ADD1: variants seen among roughly 807,000 people sequenced by gnomAD.
The protein encoded by ADD1 is alpha-adducin.
Under a neutral mutation model 80.5 loss-of-function variants are expected in ADD1, and 24 were observed. The ratio of observed to expected loss-of-function variants is 0.30; its 90% CI spans 0.22 to 0.42. ADD1 has a LOEUF of 0.42. Among genes scored for constraint, ADD1 ranks in the 10% least tolerant of loss-of-function variants. The pLI, the probability that ADD1 is intolerant of heterozygous loss-of-function variation, is 1.00. For missense variants in ADD1, 948 were observed against 1,019.0 expected (o/e 0.93, Z 0.95); for synonymous variants, 373 against 393.8 (o/e 0.95, Z 0.63).
At chr4:2,892,562 G>T (rs1734472893) in intron 4 of ADD1, among the ~76,000 whole-genome samples, 1 of 152,172 alleles carries the variant, frequency 6.6e-6, no homozygotes, top group South Asian at 2.1e-4. Flanking sequence ...GGGCACAGTG[G>T]CTCACACCTG....
At chr4:2,896,293 C>T (rs1393046381) in intron 6 of ADD1, among the ~76,000 whole-genome samples, 8 of 151,784 alleles carry the variant, frequency 5.3e-5, no homozygotes, top group Non-Finnish European at 8.8e-5. Context: ...ACTGCAACCT[C>T]TGCCCCTCGG....
At chr4:2,886,963 G>C (rs1285859211) in intron 4 of ADD1, among the ~76,000 whole-genome samples, 3 of 152,168 alleles carry the variant, frequency 2.0e-5, no homozygotes, top group African/African-American at 7.2e-5. Flanking sequence ...CTTCTTCGCA[G>C]GTTTTAAAGT....
At chr4:2,885,049 A>C (rs1288322164) in intron 4 of ADD1, among the ~76,000 whole-genome samples, 1 of 152,100 alleles carries the variant, frequency 6.6e-6, no homozygotes, top group East Asian at 1.9e-4. Flanking sequence ...ACTATTTTTC[A>C]ACATTATTAG....
chr4:2,846,880 G>A (rs979838137), intron 1 of ADD1, among the ~76,000 whole-genome samples: 3 of 151,780 alleles, frequency 2.0e-5, no homozygotes, highest in Non-Finnish European at 1.5e-5. Context: ...CACTTTGGGA[G>A]GCCGAGGCGG....
At chr4:2,849,237 CTTATA>C (rs1306629820) in intron 1 of ADD1, among the ~76,000 whole-genome samples, 1 of 152,100 alleles carries the variant, frequency 6.6e-6, no homozygotes, top group Non-Finnish European at 1.5e-5. Flanking sequence ...CAGCAAATGA[CTTATA>C]TTATTAATAT....
chr4:2,871,553 C>T (rs1730461288), intron 1 of ADD1, among the ~76,000 whole-genome samples: 1 of 152,166 alleles, frequency 6.6e-6, no homozygotes, highest in South Asian at 2.1e-4. Context: ...TGAAGGCCGG[C>T]AGAGACCAGC....
At chr4:2,888,132 T>A (rs1733690891) in intron 4 of ADD1, among the ~76,000 whole-genome samples, 1 of 152,024 alleles carries the variant, frequency 6.6e-6, no homozygotes, top group African/African-American at 2.4e-5. Context: ...GAATCTCGGC[T>A]CACTGCAACC....
chr4:2,876,329 T>A, intron 2 of ADD1: 1 of 398,710 alleles, frequency 2.5e-6, no homozygotes, highest in Non-Finnish European at 4.4e-6. Context: ...TAGGAAGTGT[T>A]AATTTCTCCT....
intron 1 of ADD1, among the ~76,000 whole-genome samples, chr4:2,870,390 T>G (rs1363485200): frequency 2.0e-5 from 3 of 152,254 alleles, no homozygotes; most frequent in African/African-American, 7.2e-5. Context: ...GAGACGTTAT[T>G]TGGACTAAAT....
chr4:2,879,120 G>A (rs547708886), intron 2 of ADD1, among the ~76,000 whole-genome samples: 1 of 152,174 alleles, frequency 6.6e-6, no homozygotes, highest in South Asian at 2.1e-4. Context: ...CCAAACTGAG[G>A]GTATGGATGT....
At chr4:2,849,509 C>T (rs550636249) in intron 1 of ADD1, among the ~76,000 whole-genome samples, 1 of 152,184 alleles carries the variant, frequency 6.6e-6, no homozygotes, top group South Asian at 2.1e-4. Flanking sequence ...AGGAATGGGG[C>T]GCAGTAGATG....
At chr4:2,852,182 C>CTTTCTTTCT (rs1727244421) in intron 1 of ADD1, among the ~76,000 whole-genome samples, 1 of 63,980 alleles carries the variant, frequency 1.6e-5, no homozygotes, top group African/African-American at 7.4e-5. Context: ...TTCTTTCTTT[C>CTTTCTTTCT]TTTCTTTCTT....
chr4:2,850,667 C>T (rs1030969230), intron 1 of ADD1, among the ~76,000 whole-genome samples: 2 of 152,168 alleles, frequency 1.3e-5, no homozygotes, highest in Non-Finnish European at 2.9e-5. Context: ...CCTCATGATC[C>T]GCCCGCCTCG....
At chr4:2,922,988 C>A (rs538590597) in intron 14 of ADD1, among the ~76,000 whole-genome samples, 1 of 152,234 alleles carries the variant, frequency 6.6e-6, no homozygotes, top group Non-Finnish European at 1.5e-5. Context: ...GCCCCTCCCC[C>A]CACCAAGCTC....
chr4:2,892,606 G>C (rs749586828), intron 4 of ADD1, among the ~76,000 whole-genome samples: 7 of 152,230 alleles, frequency 4.6e-5, no homozygotes, highest in Non-Finnish European at 7.4e-5. Context: ...GAGGCGGGAG[G>C]ATTGCTTGAG....
intron 6 of ADD1, among the ~76,000 whole-genome samples, chr4:2,895,844 G>A (rs1735103196): frequency 6.6e-6 from 1 of 152,084 alleles, no homozygotes; most frequent in African/African-American, 2.4e-5. Flanking sequence ...AGGACTTTTG[G>A]GGTTTATTGT....
Position 2,926,693 on chromosome 4 carries a change from T to G in ADD1, c.2047+581T>G, listed in dbSNP as rs1269525829. On this transcript the variant is annotated intron_variant, in intron 15 of 15. Transcript: ENST00000683351. The surrounding 1 kb of genome is among the most constrained non-coding windows in gnomAD (Gnocchi z 5.0). ...TTACCCTAGTAAGTACCGTGCTGCCTCCGCTCTCCACCGGTGCCCTGCGCT... is the reference window on the plus strand; with the variant it reads ...TTACCCTAGTAAGTACCGTGCTGCCGCCGCTCTCCACCGGTGCCCTGCGCT... 8 of 1,612,506 alleles carry G rather than the reference T, an allele frequency of 5.0e-6. No homozygotes were observed. The highest frequency in any genetic ancestry group is 2.2e-5 in the East Asian group (1 of 44,856).
At chr4:2,898,374 A>G (rs2109025550) in intron 7 of ADD1, 47 bp downstream of exon 7, 1 of 1,614,146 alleles carries the variant, frequency 6.2e-7, no homozygotes, top group Non-Finnish European at 8.5e-7. Context: ...AGAAAGAAGA[A>G]TAAAGCAAAG....
intron 1 of ADD1, among the ~76,000 whole-genome samples, chr4:2,846,172 C>T (rs1726171610): frequency 6.6e-6 from 1 of 152,160 alleles, no homozygotes; most frequent in African/African-American, 2.4e-5. Context: ...TTAACAATTT[C>T]AATCGATCCA....
Sources: gnomAD v4.1 joint callset for allele counts (sites outside exome capture counted in the v4.1 genomes callset) on GRCh38, gnomAD v4.1.1 for gene constraint, Gnocchi (gnomAD v3.1) non-coding constraint, MANE v1.5 for transcripts, NCBI Gene and HGNC (gene_info 2026-07-23, HGNC 2026-07-21) for gene names.